The following SLC67A1 variants were observed in gnomAD, a reference collection of about 807,000 sequenced individuals.
The protein encoded by SLC67A1 is solute carrier family 67 member 1.
the SLC67A1 span, among the ~76,000 whole-genome samples, chr11:2,910,071 G>A: frequency 3.7e-4 from 56 of 152,262 alleles, 1 homozygote; most frequent in African/African-American, 1.2e-3. Context: ...CTGTGGCAGC[G>A]GGGCTGAGCT....
chr11:2,906,556 C>T, the SLC67A1 span, among the ~76,000 whole-genome samples: 1 of 152,140 alleles, frequency 6.6e-6, no homozygotes, highest in Non-Finnish European at 1.5e-5. Flanking sequence ...AGGATGAGTT[C>T]ATGTCCTTTG....
the SLC67A1 span, chr11:2,903,229 T>G: frequency 6.6e-7 from 1 of 1,514,218 alleles, no homozygotes. Flanking sequence ...GCCAGGCGGG[T>G]GCTGCCTGGG....
the SLC67A1 span, among the ~76,000 whole-genome samples, chr11:2,906,347 G>C: frequency 6.6e-6 from 1 of 152,184 alleles, no homozygotes; most frequent in Non-Finnish European, 1.5e-5. Context: ...AATACCATTT[G>C]ACCCAGCGAT....
At chr11:2,903,334 C>CGCCT in the SLC67A1 span, 74 of 1,611,778 alleles carry the variant, frequency 4.6e-5, no homozygotes, top group South Asian at 8.0e-4. Flanking sequence ...CTCCCTGCTG[C>CGCCT]GCCTGTCCAG....
At chr11:2,909,900 G>C in the SLC67A1 span, 2 of 584,626 alleles carry the variant, frequency 3.4e-6, no homozygotes, top group Non-Finnish European at 5.7e-6. Flanking sequence ...GCTGGCCCTG[G>C]ATAGGGCCAG....
At chr11:2,919,304 C>G in the SLC67A1 span, 1 of 1,612,612 alleles carries the variant, frequency 6.2e-7, no homozygotes, top group South Asian at 1.1e-5. Context: ...TGCCCCGGCT[C>G]AGGGCTCTTC....
the SLC67A1 span, chr11:2,915,314 G>A: frequency 8.9e-3 from 7,686 of 866,672 alleles, 53 homozygotes; most frequent in Non-Finnish European, 9.8e-3. Flanking sequence ...TGGCTGCGGT[G>A]AAGAGGGGCG....
the SLC67A1 span, chr11:2,914,655 C>T: frequency 7.2e-6 from 7 of 973,790 alleles, no homozygotes; most frequent in Non-Finnish European, 8.5e-6. Context: ...CCCACCACCG[C>T]TCGAGGGCCT....
chr11:2,922,279 C>A, the SLC67A1 span: 1 of 1,523,174 alleles, frequency 6.6e-7, no homozygotes, highest in Non-Finnish European at 9.1e-7. Context: ...ACCATCTGTG[C>A]TTAAGCCCTT....
chr11:2,914,135 G>A, the SLC67A1 span, among the ~76,000 whole-genome samples: 5 of 152,338 alleles, frequency 3.3e-5, no homozygotes, highest in East Asian at 9.6e-4. Context: ...GTCCTGTCCA[G>A]TGTCCTTTCA....
chr11:2,904,243 C>T, the SLC67A1 span, among the ~76,000 whole-genome samples: 26 of 152,288 alleles, frequency 1.7e-4, 1 homozygote, highest in South Asian at 4.6e-3. Flanking sequence ...GGAAGCCCGG[C>T]GTGCGTGGGC....
chr11:2,907,131 G>A, the SLC67A1 span, among the ~76,000 whole-genome samples: 21 of 151,954 alleles, frequency 1.4e-4, no homozygotes, highest in African/African-American at 4.6e-4. This position sits in a 1 kb window ranked among gnomAD's most constrained non-coding sequence, Gnocchi z 6.7. Context: ...GAAGTGCTCT[G>A]GGGAGAATTC....
chr11:2,924,910 G>A, the SLC67A1 span: 3 of 1,098,306 alleles, frequency 2.7e-6, no homozygotes, highest in Non-Finnish European at 3.9e-6. The surrounding 1 kb of genome is among the most constrained non-coding windows in gnomAD (Gnocchi z 8.6). Flanking sequence ...CGTGAGGTCA[G>A]GGTGGGTCAG....
At chr11:2,915,087 A>C in the SLC67A1 span, 6 of 985,262 alleles carry the variant, frequency 6.1e-6, no homozygotes, top group Non-Finnish European at 7.2e-6. Context: ...GCAGCAGCAC[A>C]GGTGGGGTGG....
chr11:2,900,597 G>A, the SLC67A1 span, among the ~76,000 whole-genome samples: 1 of 150,574 alleles, frequency 6.6e-6, no homozygotes, highest in African/African-American at 2.4e-5. Flanking sequence ...GGAGGCTGAG[G>A]CAGGAGAATG....
chr11:2,914,131 T>C, the SLC67A1 span, among the ~76,000 whole-genome samples: 6 of 152,182 alleles, frequency 3.9e-5, no homozygotes, highest in Non-Finnish European at 5.9e-5. Flanking sequence ...CTGAGTCCTG[T>C]CCAGTGTCCT....
chr11:2,919,368 A>G, the SLC67A1 span: 4 of 1,613,898 alleles, frequency 2.5e-6, 1 homozygote, highest in South Asian at 4.4e-5. Context: ...AGGCCGCCCA[A>G]GCTGGCTACC....
chr11:2,906,307 G>A, the SLC67A1 span, among the ~76,000 whole-genome samples: 1 of 152,168 alleles, frequency 6.6e-6, no homozygotes, highest in Non-Finnish European at 1.5e-5. Context: ...TGGAAGACAT[G>A]TGGCGATTCT....
chr11:2,908,190 A>C, the SLC67A1 span: 14 of 1,326,596 alleles, frequency 1.1e-5, no homozygotes, highest in Admixed American at 1.9e-4. Context: ...TAGGCCCTGC[A>C]GTCTTTCCCA....
Sources: allele counts gnomAD v4.1 joint callset (sites outside exome capture counted in the v4.1 genomes callset), GRCh38; gene constraint gnomAD v4.1.1; non-coding constraint Gnocchi (gnomAD v3.1); transcripts MANE v1.5; gene names NCBI Gene and HGNC (gene_info 2026-07-23, HGNC 2026-07-21).